Variants in SPNS2 observed in about 807,000 individuals in gnomAD.
The protein encoded by SPNS2 is SPNS lysolipid transporter 2, sphingosine-1-phosphate.
SPNS2 carries 37 observed loss-of-function variants against 57.6 expected under a neutral mutation model. The ratio of observed to expected loss-of-function variants is 0.64; its 90% confidence interval spans 0.49 to 0.85. The LOEUF is 0.85. Ranked by LOEUF, SPNS2 falls within the 40% of genes least tolerant of loss-of-function variation. The probability of loss-of-function intolerance (pLI) is 0.00; values close to 1 mark genes in which losing one functional copy is unlikely to be tolerated. For synonymous variants in SPNS2, 440 were observed against 346.9 expected (o/e 1.27, Z -2.98); for missense variants, 831 against 779.1 (o/e 1.07, Z -0.79).
At chr17:4,516,566 A>G (rs1469486124) in intron 2 of SPNS2, among the ~76,000 whole-genome samples, 1 of 151,580 alleles carries the variant, frequency 6.6e-6, no homozygotes, top group Non-Finnish European at 1.5e-5. Context: ...GCCTGGGTGG[A>G]CGGCAGAGAG....
rs950103717 is a variant in SPNS2, at chr17:4,538,802, G to C, written c.*1354G>C. 9 of 759,106 alleles carry C rather than the reference G, an allele frequency of 1.2e-5. No homozygotes were observed. The highest frequency in any genetic ancestry group is 1.1e-4 in the Admixed American group (6 of 53,416). 47.0% of individuals were successfully genotyped at this position (759,106 alleles called of 1,614,324 possible). A position where few individuals can be genotyped will look rare whatever the true frequency, so the allele number is the denominator to read the frequency against. On this transcript the variant is annotated 3_prime_UTR_variant, in exon 13 of 13. Transcript: ENST00000329078. ...TACCCCGAGGGCCTGACAAGAGGATGGGGTGGGGGTGGCATCCTCCAAAGA... is the reference window on the plus strand; with the variant it reads ...TACCCCGAGGGCCTGACAAGAGGATCGGGTGGGGGTGGCATCCTCCAAAGA...
At chr17:4,502,996 G>A (rs1904571029) in intron 1 of SPNS2, among the ~76,000 whole-genome samples, 1 of 152,232 alleles carries the variant, frequency 6.6e-6, no homozygotes, top group South Asian at 2.1e-4. Flanking sequence ...CTCAGAGCGG[G>A]TGAGGAGGGC....
chr17:4,535,914 G>A (rs900899098), intron 9 of SPNS2, among the ~76,000 whole-genome samples, 162 bp from the exon 10 acceptor site: 1 of 151,440 alleles, frequency 6.6e-6, no homozygotes, highest in Non-Finnish European at 1.5e-5. Context: ...CAGTAGAGGG[G>A]ACTGTGGGGA....
intron 9 of SPNS2, among the ~76,000 whole-genome samples, 187 bp from the exon 10 acceptor site, chr17:4,535,889 G>C (rs1391014814): frequency 1.3e-5 from 2 of 151,860 alleles, no homozygotes; most frequent in African/African-American, 4.8e-5. Context: ...GAAGCAGCCA[G>C]GCTGGTGGGG....
intron 2 of SPNS2, among the ~76,000 whole-genome samples, chr17:4,518,850 C>CT (rs1428537633): frequency 1.3e-5 from 2 of 152,234 alleles, no homozygotes; most frequent in African/African-American, 4.8e-5. Flanking sequence ...GCCCCTGCGG[C>CT]TGTTCCCCAA....
Position 4,499,255 on chromosome 17 carries a change from G to T in SPNS2, c.208G>T (p.Gly70Ter). 2 of 1,471,322 alleles carry T rather than the reference G, an allele frequency of 1.4e-6. No homozygotes were observed. Among genetic ancestry groups the T allele is most frequent in the Non-Finnish European group, 1.8e-6 (2 of 1,118,400 alleles). The allele number at this position is 1,471,322 out of a possible 1,614,324, so 91.1% of individuals were successfully genotyped here. A position where few individuals can be genotyped will look rare whatever the true frequency, so the allele number is the denominator to read the frequency against. Residue 70 changes from glycine to a stop codon, truncating the protein, a stop_gained, in exon 1 of 13, where the codon GGA (glycine) becomes TGA (stop). Transcript: ENST00000329078. LOFTEE classifies it high-confidence loss of function. The surrounding 1 kb of genome is among the most constrained non-coding windows in gnomAD (Gnocchi z 5.2). Reference sequence around the variant, plus strand: ...GGGCAGCGTAAGGCGGGCCCCGACCGGACCCCCCGGCACCCCCGGCACCCC... The same window carrying T: ...GGGCAGCGTAAGGCGGGCCCCGACCTGACCCCCCGGCACCCCCGGCACCCC... ...LSGSVRRAPTGPPGTPGTPGC... is the reference protein window; with the variant it reads ...LSGSVRRAPT
At chr17:4,530,887 C>A in intron 4 of SPNS2, 104 bp downstream of exon 4, 1 of 1,498,760 alleles carries the variant, frequency 6.7e-7, no homozygotes, top group Non-Finnish European at 9.0e-7. Context: ...CAGGCGTCCT[C>A]AGAGAGCTAA....
chr17:4,537,699 G>A lies in SPNS2; in HGVS notation c.*251G>A, dbSNP rs1412432555. ...TTCCCAGCCCTAGGTTTGGGCCGCA[G>A]GGCCCCTGGGGCCAAGGAAGAAGAC... On this transcript the variant is annotated 3_prime_UTR_variant, in exon 13 of 13. Coordinates refer to ENST00000329078, the MANE Select transcript of SPNS2 (RefSeq NM_001124758.3). 2 of 456,670 alleles carry A rather than the reference G, an allele frequency of 4.4e-6. No individual in the cohort carries two copies. The highest frequency in any genetic ancestry group is 8.8e-6 in the Non-Finnish European group (2 of 226,978). The allele number at this position is 456,670 out of a possible 1,614,324, so 28.3% of individuals were successfully genotyped here.
intron 8 of SPNS2, 36 bp downstream of exon 8, chr17:4,533,468 T>A: frequency 6.4e-7 from 1 of 1,552,572 alleles, no homozygotes; most frequent in Non-Finnish European, 8.7e-7. Context: ...CTGGGGGAGC[T>A]GGGCCTGGGC....
intron 3 of SPNS2, among the ~76,000 whole-genome samples, chr17:4,526,430 C>T (rs1905263458): frequency 6.6e-6 from 1 of 152,036 alleles, no homozygotes; most frequent in African/African-American, 2.4e-5. Flanking sequence ...TGGAGAAACC[C>T]CATCTCTACT....
chr17:4,533,271 A>T lies in SPNS2; in HGVS notation c.1117A>T (p.Thr373Ser), dbSNP rs1905584391. The T allele has an allele frequency of 6.2e-7, 1 of 1,608,174 alleles. No homozygotes were observed. The highest frequency in any genetic ancestry group is 1.3e-5 in the African/African-American group (1 of 74,762). The change falls in exon 8 of 13, where the codon ACG becomes TCG. Residue 373 changes from threonine to serine, a missense_variant. Thr to Ser is a moderately conservative substitution (Grantham distance 58). Coordinates refer to ENST00000329078, the MANE Select transcript of SPNS2 (RefSeq NM_001124758.3). ...CATCTTTGGGGCCATCACCTGCTTT[A>T]CGGGATTTCTGGGCGTGGTCACGGG... is the stretch of plus-strand genomic sequence containing the variant. ...SLIFGAITCF[T>S]GFLGVVTGAG...
intron 1 of SPNS2, among the ~76,000 whole-genome samples, 174 bp from the exon 2 acceptor site, chr17:4,513,073 C>T (rs1003452481): frequency 2.0e-5 from 3 of 152,178 alleles, no homozygotes; most frequent in African/African-American, 4.8e-5. Flanking sequence ...AGGAGGTCCC[C>T]GGGGAGGCAG....
intron 2 of SPNS2, among the ~76,000 whole-genome samples, chr17:4,524,337 C>T (rs992629467): frequency 1.3e-5 from 2 of 152,174 alleles, no homozygotes; most frequent in Non-Finnish European, 2.9e-5. Flanking sequence ...GTCTCCGCAT[C>T]TGTGAGGTGG....
chr17:4,528,798 G>C (rs553046678), intron 3 of SPNS2, among the ~76,000 whole-genome samples: 2 of 152,020 alleles, frequency 1.3e-5, no homozygotes, highest in Non-Finnish European at 2.9e-5. Context: ...TTTTGAGACA[G>C]GGTCTCGCTC....
chr17:4,519,551 G>T (rs532708945), intron 2 of SPNS2, among the ~76,000 whole-genome samples: 1 of 141,214 alleles, frequency 7.1e-6, no homozygotes, highest in Non-Finnish European at 1.6e-5. Context: ...GGCCCTGCCC[G>T]CTCGGCCCTG....
chr17:4,524,788 T>G (rs1905223427), intron 2 of SPNS2, among the ~76,000 whole-genome samples: 1 of 152,240 alleles, frequency 6.6e-6, no homozygotes. Context: ...AGATCTTGAC[T>G]CTTTTAAAAA....
chr17:4,536,020 G>A (rs1050064557), intron 9 of SPNS2, 56 bp from the exon 10 acceptor site: 2 of 1,527,300 alleles, frequency 1.3e-6, no homozygotes, highest in Admixed American at 3.5e-5. Context: ...CCGGGGCCAG[G>A]GCCAAGCGCG....
chr17:4,524,911 G>A, intron 2 of SPNS2, 146 bp from the exon 3 acceptor site: 2 of 1,134,026 alleles, frequency 1.8e-6, no homozygotes, highest in Non-Finnish European at 2.5e-6. Context: ...CCTTCCTGGG[G>A]TGCAGGTCGG....
chr17:4,533,749 G>T, intron 8 of SPNS2, 39 bp from the exon 9 acceptor site: 1 of 1,610,618 alleles, frequency 6.2e-7, no homozygotes, highest in Non-Finnish European at 8.5e-7. Flanking sequence ...GCTGCGGATG[G>T]AGGGACCGCT....
Sources: gnomAD v4.1 joint callset for allele counts (sites outside exome capture counted in the v4.1 genomes callset) on GRCh38, gnomAD v4.1.1 for gene constraint, Gnocchi (gnomAD v3.1) non-coding constraint, MANE v1.5 for transcripts, NCBI Gene and HGNC (gene_info 2026-07-23, HGNC 2026-07-21) for gene names.